Variants in DENND1C observed in about 807,000 individuals in gnomAD.
DENND1C encodes the protein DENN domain-containing protein 1C.
Under a neutral mutation model 87.9 loss-of-function variants are expected in DENND1C, and 64 were observed. The ratio of observed to expected loss-of-function variants is 0.73; its 90% CI spans 0.60 to 0.90. The LOEUF is 0.90. DENND1C is among the 40% of genes least tolerant of loss of function. The pLI is 0.00. For synonymous variants in DENND1C, 384 were observed against 424.4 expected (o/e 0.90, Z 1.17); for missense variants, 980 against 1,037.0 (o/e 0.95, Z 0.76).
Position 6,467,460 on chromosome 19 carries a change from G to T in DENND1C, c.*44C>A, listed in dbSNP as rs1450752635. The T allele has an allele frequency of 6.8e-7, 1 of 1,481,086 alleles. No individual in the cohort carries two copies. Among genetic ancestry groups the T allele is most frequent in the African/African-American group, 1.5e-5 (1 of 68,874 alleles). 91.7% of individuals were successfully genotyped at this position (1,481,086 alleles called of 1,614,324 possible). A position where few individuals can be genotyped will look rare whatever the true frequency, so the allele number is the denominator to read the frequency against. On this transcript the variant is annotated 3_prime_UTR_variant, in exon 23 of 23. Coordinates refer to ENST00000381480, the MANE Select transcript of DENND1C (RefSeq NM_024898.4). The stretch of plus-strand genomic sequence containing the variant: ...AAAAAACCAGCTTTTTTGGGCTCTT[G>T]TGGCTTTATTGAGGGACTGGGGTCT...
intron 5 of DENND1C, 40 bp from the exon 6 acceptor site, chr19:6,478,892 G>C: frequency 6.2e-7 from 1 of 1,613,920 alleles, no homozygotes; most frequent in East Asian, 2.2e-5. Context: ...GTGTCCCTAG[G>C]CCTCGGCCTT....
At chr19:6,480,452 A>ATC (rs972270244) in intron 1 of DENND1C, 6 of 974,400 alleles carry the variant, frequency 6.2e-6, no homozygotes, top group South Asian at 4.8e-5. Flanking sequence ...AGTGAATTAC[A>ATC]TCTCTCTCTC....
chr19:6,467,317 C>T lies in DENND1C; in HGVS notation c.*187G>A. The T allele has an allele frequency of 1.4e-6, 1 of 731,216 alleles. No homozygotes were observed. Among genetic ancestry groups the T allele is most frequent in the Non-Finnish European group, 2.0e-6 (1 of 501,512 alleles). 45.3% of individuals were successfully genotyped at this position (731,216 alleles called of 1,614,324 possible). On this transcript the variant is annotated 3_prime_UTR_variant, in exon 23 of 23. Coordinates refer to ENST00000381480, the MANE Select transcript of DENND1C (RefSeq NM_024898.4). ...TAAGGTTGCCAGGATTCTAGAAGAC[C>T]AGGAGGCTTCCTGGAATTCCCTGCT...
In DENND1C at chr19:6,471,302, G is replaced by A; in HGVS notation, c.1253C>T (p.Ala418Val). The A allele has an allele frequency of 6.3e-7, 1 of 1,598,402 alleles. No individual in the cohort carries two copies. Residue 418 changes from alanine to valine, a missense_variant, in exon 17 of 23, where the codon GCC becomes GTC. By Grantham distance (64) the Ala-to-Val change is moderately conservative (BLOSUM62 0). Transcript: ENST00000381480. ...GGCCCAGAGCTGATAGGATCGAAGG[G>A]CCCCTGGGGTAAGGAGAGAGTGTGG... The part of the protein sequence containing the change: ...EITGCGASSG[A>V]LRSYQLWADN...
chr19:6,467,820 T>C lies in DENND1C; in HGVS notation c.2090A>G (p.Glu697Gly). 1 of 1,553,310 alleles carries C rather than the reference T, an allele frequency of 6.4e-7. No homozygotes were observed. Among genetic ancestry groups the C allele is most frequent in the Non-Finnish European group, 8.7e-7 (1 of 1,151,338 alleles). ...HKAAEDSTAQ[E>G]NPTPWLSTAP... ...AGTGGAGAGCCAGGGAGTGGGGTTTTCCTGGGCTGTAGAATCTTCAGCTGC... is the reference window on the plus strand; with the variant it reads ...AGTGGAGAGCCAGGGAGTGGGGTTTCCCTGGGCTGTAGAATCTTCAGCTGC... Residue 697 changes from glutamate (E) to glycine (G), a missense_variant, in exon 23 of 23, where the codon GAA becomes GGA. Glu to Gly is a moderately conservative substitution (Grantham distance 98). Coordinates refer to ENST00000381480, the MANE Select transcript of DENND1C (RefSeq NM_024898.4).
intron 14 of DENND1C, among the ~76,000 whole-genome samples, chr19:6,474,189 T>C (rs1411987925): frequency 1.3e-5 from 2 of 148,568 alleles, no homozygotes; most frequent in Non-Finnish European, 3.0e-5. Context: ...AGCAAGACTC[T>C]GTCTCAAGAG....
At chr19:6,471,327 G>A in intron 16 of DENND1C, 22 bp from the exon 17 acceptor site, 1 of 1,596,378 alleles carries the variant, frequency 6.3e-7, no homozygotes, top group Non-Finnish European at 8.5e-7. Context: ...AGAGAGTGTG[G>A]TGGTCACCGA....
chr19:6,481,615 T>G, intron 1 of DENND1C, 64 bp downstream of exon 1: 3 of 1,607,452 alleles, frequency 1.9e-6, no homozygotes, highest in Non-Finnish European at 2.5e-6. Context: ...AGCTCCCCTC[T>G]GCCCCGGCTC....
chr19:6,474,601 T>C (rs2092847997), intron 14 of DENND1C, among the ~76,000 whole-genome samples: 1 of 152,090 alleles, frequency 6.6e-6, no homozygotes, highest in South Asian at 2.1e-4. Context: ...ATTTATTGAG[T>C]GCTTGCTGTA....
At chr19:6,469,533 C>G in intron 19 of DENND1C, 63 bp downstream of exon 19, 1 of 1,524,720 alleles carries the variant, frequency 6.6e-7, no homozygotes, top group Non-Finnish European at 8.9e-7. Context: ...ATCCTCCTGC[C>G]TCGGCCTCCC....
At chr19:6,470,611 T>G (rs929746298) in intron 17 of DENND1C, among the ~76,000 whole-genome samples, 2 of 117,966 alleles carry the variant, frequency 1.7e-5, no homozygotes, top group African/African-American at 3.2e-5. Flanking sequence ...CAAAGAACAG[T>G]TTTTTTTTGT....
At chr19:6,471,339 G>T in intron 16 of DENND1C, 34 bp from the exon 17 acceptor site, 1 of 1,592,270 alleles carries the variant, frequency 6.3e-7, no homozygotes, top group Non-Finnish European at 8.6e-7. Context: ...GGTCACCGAA[G>T]GCTGGCTGAG....
intron 6 of DENND1C, 116 bp from the exon 7 acceptor site, chr19:6,477,574 G>A (rs2092870032): frequency 2.0e-6 from 1 of 495,458 alleles, no homozygotes; most frequent in Non-Finnish European, 3.3e-6. Context: ...GGTCAGTCCT[G>A]GGAGTTTTTT....
rs200738598 is a variant in DENND1C at position 6,468,070 on chromosome 19, C to T, written c.1840G>A (p.Glu614Lys). 1.4e-4 allele frequency: 222 copies of T among 1,613,694 alleles called. 1 individual carries two copies. Among genetic ancestry groups the T allele is most frequent in the South Asian group, 6.8e-4 (62 of 91,076 alleles). Residue 614 changes from glutamate (E) to lysine (K), a missense_variant, in exon 23 of 23, where the codon GAG (glutamate) becomes AAG (lysine). Glu to Lys is a moderately conservative substitution (Grantham distance 56). Transcript: ENST00000381480. ...QPDDKKLPEP[E>K]PQPLSLPSLQ... is the part of the protein sequence containing the mutation. ...GATGGCAGGGAAAGGGGCTGGGGCT[C>T]CGGCTCTGGTAGTTTCTTATCGTCT...
At chr19:6,473,475 T>C (rs1599382862) in intron 14 of DENND1C, among the ~76,000 whole-genome samples, 1 of 143,360 alleles carries the variant, frequency 7.0e-6, no homozygotes, top group East Asian at 2.0e-4. Context: ...TTTTTTTTTT[T>C]CATTTCTTTT....
chr19:6,481,723 C>T lies in DENND1C; in HGVS notation c.-28G>A, dbSNP rs780252193. 2.6e-6 allele frequency: 4 copies of T among 1,559,092 alleles called. No homozygotes were observed. Among genetic ancestry groups the T allele is most frequent in the Non-Finnish European group, 3.5e-6 (4 of 1,155,440 alleles). On this transcript the variant is annotated 5_prime_UTR_variant, in exon 1 of 23. Transcript: ENST00000381480. ...TCCCTGCAGGGCCAGCCCAGCGGGG[C>T]CCTCTCCCCAGGGGTCCTGGGGGCC...
At position 6,468,605 on chromosome 19, in the gene DENND1C, T is replaced by C; in HGVS notation, c.1556A>G (p.Glu519Gly). ...LRPSRRRQLE[E>G]GTSEPPGAGT... ...CGCCCCTGGGGGCTCGGAAGTTCCC[T>C]CTTCCAGCTGGCGTCTCCTGCTGGG... Residue 519 changes from glutamate to glycine, a missense_variant, in exon 21 of 23, where the codon GAG becomes GGG. Transcript: ENST00000381480. 1 of 1,514,256 alleles carries C rather than the reference T, an allele frequency of 6.6e-7. No homozygotes were observed. Among genetic ancestry groups the C allele is most frequent in the East Asian group, 2.4e-5 (1 of 42,142 alleles). The allele number at this position is 1,514,256 out of a possible 1,614,324, so 93.8% of individuals were successfully genotyped here.
intron 15 of DENND1C, 74 bp from the exon 16 acceptor site, chr19:6,471,570 G>C: frequency 7.3e-7 from 1 of 1,379,178 alleles, no homozygotes; most frequent in Non-Finnish European, 9.7e-7. Context: ...CCTGCCTGCT[G>C]TCAAGATGTA....
chr19:6,479,193 G>T, intron 4 of DENND1C, 137 bp from the exon 5 acceptor site: 2 of 1,268,260 alleles, frequency 1.6e-6, no homozygotes, highest in Non-Finnish European at 2.1e-6. Flanking sequence ...GGATCCCTGG[G>T]TCTCAGAATC....
Sources: allele counts gnomAD v4.1 joint callset (sites outside exome capture counted in the v4.1 genomes callset), GRCh38; gene constraint gnomAD v4.1.1; transcripts MANE v1.5; gene names NCBI Gene and HGNC (gene_info 2026-07-23, HGNC 2026-07-21).